The following SP140 variants were observed in gnomAD, a reference collection of about 807,000 sequenced individuals.
The protein encoded by SP140 is SP140 nuclear body protein.
A neutral mutation model predicts 125.0 loss-of-function variants in SP140; 81 were observed. The observed-to-expected ratio is 0.65, with a 90% confidence interval of 0.54 to 0.78. SP140 has a LOEUF of 0.78. Ranked by LOEUF, SP140 falls within the 30% of genes least tolerant of loss-of-function variation. The pLI, the probability that SP140 is intolerant of heterozygous loss-of-function variation, is 0.00. For synonymous variants in SP140, 312 were observed against 354.0 expected, an observed-to-expected ratio of 0.88 and a Z score of 1.33; for missense variants, 858 against 1,037.0, an observed-to-expected ratio of 0.83 and a Z score of 2.37.
At chr2:230,210,698 A>T (rs2044371197) in intron 1 of SP140, among the ~76,000 whole-genome samples, 4 of 152,228 alleles carry the variant, frequency 2.6e-5, no homozygotes, top group Admixed American at 2.6e-4. Flanking sequence ...TGAAGCCATA[A>T]CAAATAAAGG....
intron 12 of SP140, among the ~76,000 whole-genome samples, chr2:230,260,065 T>A (rs928571871): frequency 2.6e-5 from 4 of 152,172 alleles, no homozygotes; most frequent in African/African-American, 9.6e-5. Context: ...ATCAGCAGTG[T>A]AGAAGTGTTC....
intron 1 of SP140, chr2:230,212,784 A>T: frequency 1.2e-6 from 2 of 1,614,092 alleles, no homozygotes; most frequent in South Asian, 2.2e-5. Flanking sequence ...TCCTTCCTGG[A>T]TGAGTGCAGG....
chr2:230,189,778 G>A, the SP140 span, among the ~76,000 whole-genome samples: 6 of 152,146 alleles, frequency 3.9e-5, no homozygotes, highest in Non-Finnish European at 7.4e-5. Context: ...CCACTTATGA[G>A]TGAGAACATG....
At chr2:230,189,009 G>T in the SP140 span, among the ~76,000 whole-genome samples, 1 of 151,988 alleles carries the variant, frequency 6.6e-6, no homozygotes, top group African/African-American at 2.4e-5. Flanking sequence ...GTTCATAGTA[G>T]TCCTGAATGA....
chr2:230,261,533 T>C (rs1439502485), intron 12 of SP140, among the ~76,000 whole-genome samples: 1 of 152,194 alleles, frequency 6.6e-6, no homozygotes, highest in Admixed American at 6.5e-5. Context: ...CTTGTTTCAG[T>C]TCTCAGAGGG....
intron 1 of SP140, among the ~76,000 whole-genome samples, chr2:230,226,459 A>G (rs2046372024): frequency 6.6e-6 from 1 of 152,172 alleles, no homozygotes; most frequent in Admixed American, 6.5e-5. Flanking sequence ...AAGCAGGTAG[A>G]GAGTGAGTGC....
chr2:230,234,345 T>C (rs994279777), intron 1 of SP140, among the ~76,000 whole-genome samples: 19 of 152,072 alleles, frequency 1.2e-4, no homozygotes, highest in Non-Finnish European at 2.2e-4. Flanking sequence ...TCTGCCAGAG[T>C]GATACCCATT....
rs542383409 is a variant in SP140, at chr2:230,304,645, A to G, written c.2059-5279A>G. Among the ~76,000 whole-genome samples, 4 of 152,204 alleles carry G rather than the reference A, an allele frequency of 2.6e-5. No homozygotes were observed. The South Asian group carries it at 8.3e-4, about 32-fold the overall frequency. ...GCTAACCTTTGACAAAGCAAACAAA[A>G]GCATAAAGGGGGAAAGGACACCCCA... is the stretch of plus-strand genomic sequence containing the variant. On this transcript the variant is annotated intron_variant, in intron 22 of 26. Coordinates refer to ENST00000392045, the MANE Select transcript of SP140 (RefSeq NM_007237.5).
chr2:230,239,051 A>G, intron 3 of SP140: 1 of 1,410,128 alleles, frequency 7.1e-7, no homozygotes, highest in Non-Finnish European at 9.2e-7. Flanking sequence ...AAAATAAAGA[A>G]GGAATAAAGG....
At chr2:230,297,246 A>C (rs1271100861) in intron 21 of SP140, among the ~76,000 whole-genome samples, 175 bp from the exon 22 acceptor site, 2 of 152,246 alleles carry the variant, frequency 1.3e-5, no homozygotes, top group Non-Finnish European at 2.9e-5. Flanking sequence ...CAGTTTGCTT[A>C]CTTAGAAACT....
In SP140 at chr2:230,216,411, G is replaced by T. The variant is rs2045180412; in HGVS notation, c.-91+2337G>T. Among the ~76,000 whole-genome samples the T allele has an allele frequency of 3.3e-5, 5 of 152,146 alleles. No individual in the cohort carries two copies. In the South Asian group the frequency reaches 1.0e-3, roughly 32 times the overall value. On this transcript the variant is annotated intron_variant, in intron 3 of 4. Coordinates refer to the SP140 transcript ENST00000456542. Reference sequence around the variant, plus strand: ...CATCTACAAGGCAAGGAACACTAAGGATTTCCAACAGCTACCAGAAGCTAG... The same window carrying T: ...CATCTACAAGGCAAGGAACACTAAGTATTTCCAACAGCTACCAGAAGCTAG...
chr2:230,279,368 A>G (rs920594175), intron 15 of SP140, among the ~76,000 whole-genome samples: 3 of 151,894 alleles, frequency 2.0e-5, no homozygotes, highest in Non-Finnish European at 4.4e-5. Flanking sequence ...AGTAATTTTG[A>G]AAAAAAAGGA....
At chr2:230,225,126 A>T (rs1471785227), upstream of SP140, among the ~76,000 whole-genome samples, 1 of 152,190 alleles carries the variant, frequency 6.6e-6, no homozygotes, top group African/African-American at 2.4e-5. Flanking sequence ...TCTCCTCAAG[A>T]TTTCAGTGAA....
At chr2:230,313,440 G>A (rs930198860), downstream of SP140, among the ~76,000 whole-genome samples, 13 of 152,168 alleles carry the variant, frequency 8.5e-5, no homozygotes, top group African/African-American at 2.9e-4. Flanking sequence ...ACCTGGAAGT[G>A]ACACCCCGTG....
chr2:230,296,275 A>C (rs1284306194), intron 21 of SP140, among the ~76,000 whole-genome samples: 1 of 152,178 alleles, frequency 6.6e-6, no homozygotes. Flanking sequence ...TATTGTCAAC[A>C]TGGATGAATT....
chr2:230,278,330 G>T (rs1285953222), intron 15 of SP140, among the ~76,000 whole-genome samples: 22 of 151,912 alleles, frequency 1.4e-4, no homozygotes, highest in Admixed American at 1.4e-3. Flanking sequence ...ATCAGATTAT[G>T]ACATGCTTTT....
intron 19 of SP140, among the ~76,000 whole-genome samples, chr2:230,292,059 T>C (rs1225172550): frequency 6.6e-6 from 1 of 152,262 alleles, no homozygotes; most frequent in Non-Finnish European, 1.5e-5. Flanking sequence ...ATAAATTAAA[T>C]TTTTTATCAG....
upstream of SP140, among the ~76,000 whole-genome samples, chr2:230,199,107 C>G (rs1160249284): frequency 2.0e-5 from 3 of 150,774 alleles, no homozygotes; most frequent in African/African-American, 4.9e-5. Context: ...TCTTGACCAC[C>G]TACCTCTCTT....
intron 3 of SP140, chr2:230,217,076 T>A (rs948458647): frequency 1.2e-4 from 73 of 631,108 alleles, no homozygotes; most frequent in African/African-American, 1.2e-3. Flanking sequence ...TGAAACTCTG[T>A]CTCTACTAAA....
Sources: gnomAD v4.1 joint callset for allele counts (sites outside exome capture counted in the v4.1 genomes callset) on GRCh38, gnomAD v4.1.1 for gene constraint, MANE v1.5 for transcripts, NCBI Gene and HGNC (gene_info 2026-07-23, HGNC 2026-07-21) for gene names.